MGAT5: variants seen among roughly 807,000 people sequenced by gnomAD.
MGAT5 encodes the protein alpha-1,6-mannosylglycoprotein 6-beta-N-acetylglucosaminyltransferase A.
MGAT5 carries 30 observed loss-of-function variants against 94.3 expected under a neutral mutation model. The observed-to-expected ratio is 0.32, with a 90% CI of 0.24 to 0.43. The LOEUF (loss-of-function observed/expected upper bound fraction) is 0.43, where lower values mean the gene tolerates loss of function less well. Ranked by LOEUF, MGAT5 falls within the 20% of genes least tolerant of loss-of-function variation. The pLI, the probability that MGAT5 is intolerant of heterozygous loss-of-function variation, is 1.00. For synonymous variants in MGAT5, 310 were observed against 322.9 expected (o/e 0.96, Z 0.43); for missense variants, 691 against 905.5 (o/e 0.76, Z 3.04).
chr2:134,286,924 G>T (rs1685043918), intron 2 of MGAT5, among the ~76,000 whole-genome samples: 1 of 152,174 alleles, frequency 6.6e-6, no homozygotes, highest in Non-Finnish European at 1.5e-5. Context: ...TCTGGAAGCT[G>T]GTGGGATTTG....
chr2:134,442,026 GA>G, intron 15 of MGAT5, 111 bp downstream of exon 15: 1 of 1,253,478 alleles, frequency 8.0e-7, no homozygotes, highest in Non-Finnish European at 1.1e-6. Flanking sequence ...GGGCTGTGGG[GA>G]TAAGGTGTGG....
At chr2:134,408,138 C>T (rs989720128) in intron 11 of MGAT5, among the ~76,000 whole-genome samples, 8 of 152,128 alleles carry the variant, frequency 5.3e-5, no homozygotes, top group African/African-American at 1.4e-4. Flanking sequence ...TTGCTGCCTC[C>T]GTGTTGGCGG....
intron 1 of MGAT5, among the ~76,000 whole-genome samples, chr2:134,243,963 G>A (rs947309093): frequency 9.9e-5 from 15 of 152,124 alleles, no homozygotes; most frequent in African/African-American, 3.6e-4. Context: ...GGTGATTTTT[G>A]TGATTGTGAT....
chr2:134,257,596 G>A (rs1360585555), intron 1 of MGAT5, among the ~76,000 whole-genome samples: 3 of 152,176 alleles, frequency 2.0e-5, no homozygotes, highest in African/African-American at 7.2e-5. Flanking sequence ...AATTTGGATT[G>A]AACAAGAGGA....
chr2:134,301,734 G>A (rs1451889862), intron 2 of MGAT5, among the ~76,000 whole-genome samples: 1 of 152,182 alleles, frequency 6.6e-6, no homozygotes, highest in Non-Finnish European at 1.5e-5. Flanking sequence ...CAGCTAGGAA[G>A]GGAAGATAAA....
At chr2:134,301,761 A>G (rs1156412864) in intron 2 of MGAT5, among the ~76,000 whole-genome samples, 3 of 152,174 alleles carry the variant, frequency 2.0e-5, no homozygotes, top group African/African-American at 7.2e-5. Flanking sequence ...CTGGAGGAGA[A>G]TAAGGACGTG....
intron 1 of MGAT5, among the ~76,000 whole-genome samples, chr2:134,260,110 G>A (rs1221470999): frequency 6.6e-6 from 1 of 152,182 alleles, no homozygotes; most frequent in Non-Finnish European, 1.5e-5. Context: ...GGCCACTGTA[G>A]CTAGAACGAA....
chr2:134,141,877 T>C (rs1398072998), intron 1 of MGAT5, among the ~76,000 whole-genome samples: 1 of 152,230 alleles, frequency 6.6e-6, no homozygotes, highest in Admixed American at 6.5e-5. Flanking sequence ...GCATTTGGAC[T>C]TGCTCCTGAG....
At chr2:134,156,882 C>T (rs78208600) in intron 1 of MGAT5, among the ~76,000 whole-genome samples, 4,457 of 152,214 alleles carry the variant, frequency 0.029, 328 homozygotes, top group East Asian at 0.27. Context: ...ACGTTGGACT[C>T]GGACACATCC....
chr2:134,215,815 A>C (rs895612629), intron 1 of MGAT5, among the ~76,000 whole-genome samples: 1 of 152,198 alleles, frequency 6.6e-6, no homozygotes, highest in African/African-American at 2.4e-5. Flanking sequence ...ATCAATATAT[A>C]ATTGTACCAG....
intron 1 of MGAT5, among the ~76,000 whole-genome samples, chr2:134,149,219 C>T (rs1233175386): frequency 6.6e-6 from 1 of 152,178 alleles, no homozygotes; most frequent in Non-Finnish European, 1.5e-5. Flanking sequence ...GCTTATCCAT[C>T]TGTGAATCTT....
intron 1 of MGAT5, among the ~76,000 whole-genome samples, chr2:134,238,904 C>G (rs1681806299): frequency 1.3e-5 from 2 of 152,340 alleles, no homozygotes; most frequent in South Asian, 4.1e-4. Context: ...GATCATGCCA[C>G]TACTGTATTC....
At chr2:134,327,062 T>C (rs1031578167) in intron 4 of MGAT5, among the ~76,000 whole-genome samples, 4 of 152,158 alleles carry the variant, frequency 2.6e-5, no homozygotes, top group African/African-American at 4.8e-5. Flanking sequence ...TGAATGGTTC[T>C]ATCTGAAGCA....
chr2:134,414,727 G>A (rs928481279), intron 12 of MGAT5, among the ~76,000 whole-genome samples: 1 of 152,102 alleles, frequency 6.6e-6, no homozygotes, highest in African/African-American at 2.4e-5. Context: ...TAATCAACTT[G>A]TATAACTGAG....
chr2:134,174,976 C>G (rs1688390081), intron 1 of MGAT5, among the ~76,000 whole-genome samples: 1 of 152,246 alleles, frequency 6.6e-6, no homozygotes, highest in Admixed American at 6.5e-5. Flanking sequence ...CGGTTGCACT[C>G]TAGATACCAC....
intron 6 of MGAT5, among the ~76,000 whole-genome samples, chr2:134,340,624 C>T (rs1026241477): frequency 2.6e-5 from 4 of 152,100 alleles, no homozygotes; most frequent in African/African-American, 7.2e-5. Context: ...TTACCAGGCT[C>T]CTTCTTTACA....
At chr2:134,306,293 A>C (rs1482602502) in intron 2 of MGAT5, among the ~76,000 whole-genome samples, 2 of 152,220 alleles carry the variant, frequency 1.3e-5, no homozygotes, top group African/African-American at 4.8e-5. Context: ...GTTTTGCATT[A>C]AAAAGCACTC....
chr2:134,135,841 A>G (rs1478516367), intron 1 of MGAT5, among the ~76,000 whole-genome samples: 3 of 152,014 alleles, frequency 2.0e-5, no homozygotes, highest in Admixed American at 6.6e-5. Context: ...CCATGCATAC[A>G]GGTAGTTTTT....
intron 4 of MGAT5, among the ~76,000 whole-genome samples, chr2:134,329,432 ACAGTACTG>A (rs1687824578): frequency 6.6e-6 from 1 of 152,160 alleles, no homozygotes; most frequent in African/African-American, 2.4e-5. Context: ...CGTTAACCAT[ACAGTACTG>A]CCACGCAGCG....
Sources: gnomAD v4.1 joint callset for allele counts (sites outside exome capture counted in the v4.1 genomes callset) on GRCh38, gnomAD v4.1.1 for gene constraint, MANE v1.5 for transcripts, NCBI Gene and HGNC (gene_info 2026-07-23, HGNC 2026-07-21) for gene names.